Variants in MRAP observed in about 807,000 individuals in gnomAD.
The protein encoded by MRAP is melanocortin-2 receptor accessory protein.
Under a neutral mutation model 8.7 loss-of-function variants are expected in MRAP, and 8 were observed. The ratio of observed to expected loss-of-function variants is 0.92; its 90% CI spans 0.54 to 1.66. MRAP has a LOEUF of 1.66. MRAP is among the 40% of genes most tolerant of loss of function. The pLI, the probability that MRAP is intolerant of heterozygous loss-of-function variation, is 0.00. For missense variants in MRAP, 237 were observed against 217.1 expected (o/e 1.09, Z -0.58); for synonymous variants, 95 against 95.5 (o/e 1.00, Z 0.03).
intron 1 of MRAP, among the ~76,000 whole-genome samples, chr21:32,292,096 T>C (rs1206011375): frequency 2.0e-5 from 3 of 152,046 alleles, no homozygotes; most frequent in Non-Finnish European, 4.4e-5. Flanking sequence ...GAGCATTGAC[T>C]AGATAGTTGA....
At chr21:32,304,959 T>G (rs1284773117) in intron 1 of MRAP, among the ~76,000 whole-genome samples, 2 of 131,654 alleles carry the variant, frequency 1.5e-5, no homozygotes, top group African/African-American at 5.7e-5. Flanking sequence ...ATTTGTTTTT[T>G]TTGTTGTTTT....
chr21:32,300,471 CA>C (rs760225823), intron 1 of MRAP, among the ~76,000 whole-genome samples: 40 of 150,774 alleles, frequency 2.7e-4, no homozygotes, highest in Non-Finnish European at 3.8e-4. Context: ...CGTCTTATGT[CA>C]GGGGCGCCAT....
downstream of MRAP, chr21:32,312,391 C>A: frequency 9.3e-7 from 1 of 1,070,794 alleles, no homozygotes; most frequent in Non-Finnish European, 1.2e-6. Context: ...TGTTAGGATG[C>A]TGGGTAAGTT....
chr21:32,304,953 GTTTTTTTTGTTGTTTTTTTT>G (rs1205657688), intron 1 of MRAP, among the ~76,000 whole-genome samples: 202 of 113,858 alleles, frequency 1.8e-3, no homozygotes, highest in African/African-American at 7.3e-3. Flanking sequence ...AGGGGGATTT[GTTTTTTTTGTTGTTTTTTTT>G]TTTTTTTTTT....
intron 2 of MRAP, among the ~76,000 whole-genome samples, chr21:32,309,867 T>C (rs2032514760): frequency 6.6e-6 from 1 of 151,808 alleles, no homozygotes; most frequent in East Asian, 2.0e-4. Flanking sequence ...CGCTTGAACC[T>C]GGGAGGCAGA....
rs1408736192 is a variant in MRAP at position 32,312,192 on chromosome 21, G to T, written c.*196G>T. On this transcript the variant is annotated 3_prime_UTR_variant, in exon 3 of 3. Transcript: ENST00000303645. Reference sequence around the variant, plus strand: ...CTCGAGTGCAGAGGTCATCCCAGGTGTTGCTGAGTTTATTGAGCACACCTA... The same window carrying T: ...CTCGAGTGCAGAGGTCATCCCAGGTTTTGCTGAGTTTATTGAGCACACCTA... 18 of 1,492,824 alleles carry T rather than the reference G, an allele frequency of 1.2e-5. No homozygotes were observed. Among genetic ancestry groups the T allele is most frequent in the Middle Eastern group, 4.3e-4 (2 of 4,610 alleles). 92.5% of individuals were successfully genotyped at this position (1,492,824 alleles called of 1,614,324 possible).
At chr21:32,298,609 G>A (rs572581048), upstream of MRAP, among the ~76,000 whole-genome samples, 1 of 152,256 alleles carries the variant, frequency 6.6e-6, no homozygotes, top group East Asian at 1.9e-4. Flanking sequence ...CAGCCCTATT[G>A]GGCATCTTCT....
At chr21:32,304,962 G>GTT (rs1319327133) in intron 1 of MRAP, among the ~76,000 whole-genome samples, 6 of 100,354 alleles carry the variant, frequency 6.0e-5, no homozygotes, top group Admixed American at 1.1e-4. Flanking sequence ...TGTTTTTTTT[G>GTT]TTGTTTTTTT....
downstream of MRAP, chr21:32,313,241 G>C (rs1163072966): frequency 6.6e-6 from 1 of 152,288 alleles, no homozygotes; most frequent in Non-Finnish European, 1.5e-5. Flanking sequence ...GCCCCCAGAG[G>C]CATGGGGTTC....
chr21:32,307,258 T>C (rs1307808612), intron 2 of MRAP, among the ~76,000 whole-genome samples: 1 of 151,896 alleles, frequency 6.6e-6, no homozygotes, highest in Non-Finnish European at 1.5e-5. Flanking sequence ...TACTGATGGG[T>C]TTCTTTTGGG....
rs12483538 is a variant in MRAP, at chr21:32,301,980, A to C, written c.106+2903A>C. ...CATTCAGAGCAATCATATTCAGGGC[A>C]TGACATAAGTAGTGAAAGTAATTTT... On this transcript the variant is annotated intron_variant, in intron 1 of 2. Transcript: ENST00000303645. Among the ~76,000 whole-genome samples, 764 of 152,384 alleles carry C rather than the reference A, an allele frequency of 5.0e-3. 10 individuals are homozygous for C. Among genetic ancestry groups the C allele is most frequent in the South Asian group, 0.046 (223 of 4,828 alleles).
At chr21:32,305,419 C>T in intron 1 of MRAP, among the ~76,000 whole-genome samples, 1 of 152,196 alleles carries the variant, frequency 6.6e-6, no homozygotes, top group South Asian at 2.1e-4. Context: ...AGAGCCTCCA[C>T]CTCTGCCTCT....
chr21:32,314,471 CA>C (rs2032646288), downstream of MRAP: 4 of 1,331,332 alleles, frequency 3.0e-6, no homozygotes, highest in Non-Finnish European at 4.3e-6. Context: ...AGGCGTGAGC[CA>C]CCTCACCTGC....
chr21:32,299,209 G>A, intron 1 of MRAP, 132 bp downstream of exon 1: 1 of 725,880 alleles, frequency 1.4e-6, no homozygotes, highest in South Asian at 1.5e-5. Flanking sequence ...AATGTGGCCA[G>A]TTCACTCATA....
chr21:32,301,387 T>C (rs1454012665), intron 1 of MRAP, among the ~76,000 whole-genome samples: 2 of 152,192 alleles, frequency 1.3e-5, no homozygotes, highest in African/African-American at 4.8e-5. Flanking sequence ...TGTTTAAATG[T>C]GTGTGCCATC....
upstream of MRAP, among the ~76,000 whole-genome samples, chr21:32,296,446 G>C (rs1357550284): frequency 2.0e-5 from 3 of 152,136 alleles, no homozygotes; most frequent in East Asian, 5.8e-4. Flanking sequence ...ATGTCTTTGT[G>C]ATATTTTGAT....
chr21:32,304,563 C>T (rs1010788535), intron 1 of MRAP, among the ~76,000 whole-genome samples: 1 of 151,640 alleles, frequency 6.6e-6, no homozygotes, highest in Non-Finnish European at 1.5e-5. Flanking sequence ...TGCAGTGAGC[C>T]GAGATTGTGC....
Position 32,299,058 on chromosome 21 carries a change from G to T in MRAP, c.87G>T (p.Lys29Asn), listed in dbSNP as rs1382907635. 6.2e-7 allele frequency: 1 copy of T among 1,614,070 alleles called. No individual in the cohort carries two copies. Among genetic ancestry groups the T allele is most frequent in the Admixed American group, 1.7e-5 (1 of 60,014 alleles). ...DYLDLIPVDEKKLKAHKHSIV... is the reference protein window; with the variant it reads ...DYLDLIPVDENKLKAHKHSIV... ...TGGACCTCATTCCCGTGGACGAGAAGAAGCTGAAAGCCCACAAACGTAAGT... is the reference window on the plus strand; with the variant it reads ...TGGACCTCATTCCCGTGGACGAGAATAAGCTGAAAGCCCACAAACGTAAGT... The change falls in exon 1 of 3, where the codon AAG (lysine) becomes AAT (asparagine). Residue 29 changes from lysine (K) to asparagine (N), a missense_variant. Lys to Asn is a moderately conservative substitution (Grantham distance 94, BLOSUM62 0). Transcript: ENST00000303645.
intron 1 of MRAP, among the ~76,000 whole-genome samples, chr21:32,304,246 T>A (rs2833759): frequency 6.6e-6 from 1 of 152,048 alleles, no homozygotes; most frequent in African/African-American, 2.4e-5. Context: ...TAAAATAGAT[T>A]GTAACTCTTC....
Sources: allele counts gnomAD v4.1 joint callset (sites outside exome capture counted in the v4.1 genomes callset), GRCh38; gene constraint gnomAD v4.1.1; transcripts MANE v1.5; gene names NCBI Gene and HGNC (gene_info 2026-07-23, HGNC 2026-07-21).